Variants in CFAP54 observed in about 807,000 individuals in gnomAD.
The protein encoded by CFAP54 is cilia- and flagella-associated protein 54.
In CFAP54, 290 loss-of-function variants were observed where a neutral mutation model predicts 370.4. The observed-to-expected ratio is 0.78, with a 90% CI of 0.71 to 0.86. CFAP54 has a LOEUF of 0.86. CFAP54 is among the 40% of genes least tolerant of loss of function. The pLI, the probability that CFAP54 is intolerant of heterozygous loss-of-function variation, is 0.00. For synonymous variants in CFAP54, 1,206 were observed against 1,236.5 expected (o/e 0.98, Z 0.52); for missense variants, 3,399 against 3,528.7 (o/e 0.96, Z 0.93).
intron 38 of CFAP54, among the ~76,000 whole-genome samples, chr12:96,662,136 T>C (rs760765650): frequency 2.4e-4 from 36 of 152,214 alleles, no homozygotes; most frequent in Admixed American, 5.2e-4. Context: ...ACCCTTGTTG[T>C]ATTTGCTTGG....
At chr12:96,661,678 G>A (rs1444485383) in intron 38 of CFAP54, among the ~76,000 whole-genome samples, 4 of 152,150 alleles carry the variant, frequency 2.6e-5, no homozygotes, top group Non-Finnish European at 4.4e-5. Context: ...CTTGTTTAAA[G>A]TCAATTTAAT....
intron 38 of CFAP54, among the ~76,000 whole-genome samples, chr12:96,659,611 A>G (rs1015384044): frequency 2.6e-5 from 4 of 152,250 alleles, no homozygotes; most frequent in African/African-American, 9.6e-5. Context: ...TAGACTCATG[A>G]AGGCAAAAGT....
chr12:96,504,095 G>T, intron 3 of CFAP54, 66 bp downstream of exon 3: 1 of 1,380,874 alleles, frequency 7.2e-7, no homozygotes, highest in Non-Finnish European at 9.5e-7. Context: ...TCTTTTAGTT[G>T]ACAGCTTCTA....
At chr12:96,510,836 G>A (rs192683263) in intron 4 of CFAP54, among the ~76,000 whole-genome samples, 26 of 151,936 alleles carry the variant, frequency 1.7e-4, no homozygotes, top group Middle Eastern at 3.4e-3. Context: ...GGTGGCGAGC[G>A]CCTGTAATCC....
At chr12:96,688,472 G>A (rs747236670) in intron 42 of CFAP54, among the ~76,000 whole-genome samples, 1 of 152,092 alleles carries the variant, frequency 6.6e-6, no homozygotes, top group South Asian at 2.1e-4. Context: ...GCATAACAAT[G>A]TTTACCTCAG....
At chr12:96,556,615 C>A (rs1316690286) in intron 17 of CFAP54, among the ~76,000 whole-genome samples, 1 of 152,046 alleles carries the variant, frequency 6.6e-6, no homozygotes, top group East Asian at 1.9e-4. Context: ...ATGTTCATTG[C>A]AGCACTATTC....
At chr12:96,785,021 A>T in intron 61 of CFAP54, 131 bp downstream of exon 61, 3 of 704,014 alleles carry the variant, frequency 4.3e-6, no homozygotes, top group Non-Finnish European at 6.3e-6. Context: ...TGAAAATTTC[A>T]TGGGTTCTTA....
intron 58 of CFAP54, among the ~76,000 whole-genome samples, chr12:96,759,438 G>C (rs993233922): frequency 7.9e-5 from 12 of 152,080 alleles, no homozygotes; most frequent in Admixed American, 5.2e-4. Flanking sequence ...GAAAACAGTA[G>C]TGTAATTCCT....
At chr12:96,500,547 G>A (rs570495773) in intron 1 of CFAP54, among the ~76,000 whole-genome samples, 1 of 152,190 alleles carries the variant, frequency 6.6e-6, no homozygotes, top group African/African-American at 2.4e-5. Flanking sequence ...GGGGCACAGG[G>A]TATATATGGG....
chr12:96,859,374 A>G (rs1489070390), intron 66 of CFAP54, among the ~76,000 whole-genome samples: 2 of 149,414 alleles, frequency 1.3e-5, no homozygotes, highest in Non-Finnish European at 3.0e-5. Flanking sequence ...AAGCAGTCCT[A>G]CTCCAGAATG....
chr12:96,576,789 C>T, intron 20 of CFAP54, 28 bp downstream of exon 20: 2 of 1,495,576 alleles, frequency 1.3e-6, no homozygotes, highest in Non-Finnish European at 1.8e-6. Context: ...ATTTTTGCCT[C>T]ATGCAAAGCA....
intron 48 of CFAP54, among the ~76,000 whole-genome samples, chr12:96,709,359 G>A (rs1237547394): frequency 6.6e-6 from 1 of 152,090 alleles, no homozygotes; most frequent in Non-Finnish European, 1.5e-5. Flanking sequence ...CTTTCTATGG[G>A]GTATATAACC....
chr12:96,619,987 C>T (rs1371690629), intron 26 of CFAP54, among the ~76,000 whole-genome samples: 1 of 152,098 alleles, frequency 6.6e-6, no homozygotes, highest in African/African-American at 2.4e-5. Context: ...CCTGCCTCTA[C>T]AAAATATAAA....
chr12:96,639,179 T>G (rs947877232), intron 32 of CFAP54, among the ~76,000 whole-genome samples: 2 of 152,102 alleles, frequency 1.3e-5, no homozygotes, highest in Admixed American at 6.6e-5. Flanking sequence ...GATAGACCGA[T>G]AGCAAGACTA....
chr12:96,827,163 GATT>G (rs1959127444), intron 65 of CFAP54, among the ~76,000 whole-genome samples: 1 of 27,544 alleles, frequency 3.6e-5, no homozygotes, highest in South Asian at 1.1e-3. Flanking sequence ...AATTATATGT[GATT>G]ATATATAATG....
intron 12 of CFAP54, among the ~76,000 whole-genome samples, chr12:96,535,855 G>A (rs985187951): frequency 2.0e-5 from 3 of 152,138 alleles, no homozygotes; most frequent in Admixed American, 6.5e-5. Flanking sequence ...TGAGGCAGTG[G>A]TTTTTAGGAA....
At chr12:96,523,917 TGA>T (rs201374835) in intron 8 of CFAP54, among the ~76,000 whole-genome samples, 1,470 of 107,620 alleles carry the variant, frequency 0.014, 29 homozygotes, top group African/African-American at 0.058. Context: ...AAAGTTCTGG[TGA>T]TTTTTTTTTT....
intron 3 of CFAP54, among the ~76,000 whole-genome samples, chr12:96,505,936 T>C (rs189763623): frequency 3.9e-5 from 6 of 152,320 alleles, no homozygotes; most frequent in African/African-American, 1.4e-4. Context: ...TAGCAGAGTG[T>C]GGCTAATAGA....
intron 66 of CFAP54, among the ~76,000 whole-genome samples, chr12:96,860,144 T>C (rs1959838150): frequency 6.6e-6 from 1 of 150,598 alleles, no homozygotes; most frequent in Non-Finnish European, 1.5e-5. Flanking sequence ...ATTTTTTTTT[T>C]TTTTTTTTTT....
Sources: allele counts gnomAD v4.1 joint callset (sites outside exome capture counted in the v4.1 genomes callset), GRCh38; gene constraint gnomAD v4.1.1; transcripts MANE v1.5; gene names NCBI Gene and HGNC (gene_info 2026-07-23, HGNC 2026-07-21).